GPATCH8: variants seen among roughly 807,000 people sequenced by gnomAD.
GPATCH8 encodes the protein G patch domain-containing protein 8.
GPATCH8 carries 18 observed loss-of-function variants against 118.3 expected under a neutral mutation model. The ratio of observed to expected loss-of-function variants is 0.15; its 90% CI spans 0.11 to 0.23. The LOEUF is 0.23. GPATCH8 is among the 10% of genes least tolerant of loss of function. The probability of loss-of-function intolerance (pLI) is 1.00; values close to 1 mark genes in which losing one functional copy is unlikely to be tolerated. For synonymous variants in GPATCH8, 659 were observed against 684.7 expected (o/e 0.96, Z 0.59); for missense variants, 1,631 against 1,873.8 (o/e 0.87, Z 2.39).
intron 5 of GPATCH8, among the ~76,000 whole-genome samples, chr17:44,429,649 A>AACACACACACACACACACACACACAC (rs144232073): frequency 1.5e-3 from 191 of 125,662 alleles, no homozygotes; most frequent in East Asian, 4.4e-3. Context: ...GTCTCTACTA[A>AACACACACACACACACACACACACAC]ACACACACAC....
intron 1 of GPATCH8, among the ~76,000 whole-genome samples, chr17:44,493,025 C>A (rs1323084845): frequency 1.3e-5 from 2 of 150,264 alleles, no homozygotes; most frequent in African/African-American, 4.9e-5. Flanking sequence ...GGTTTATAAC[C>A]AATTAAACCA....
At position 44,395,932 on chromosome 17, in the gene GPATCH8, G is replaced by C. The variant is rs1408903426; in HGVS notation, c.*1636C>G. On this transcript the variant is annotated 3_prime_UTR_variant, in exon 8 of 8. Transcript: ENST00000591680. Reference sequence around the variant, plus strand: ...AGAGCCTGGGTGAAAGGCAAGAAGAGGGGCAAAAGAGGCTGAGGTGGTAAT... The same window carrying C: ...AGAGCCTGGGTGAAAGGCAAGAAGACGGGCAAAAGAGGCTGAGGTGGTAAT... 1 of 454,156 alleles carries C rather than the reference G, an allele frequency of 2.2e-6. No homozygotes were observed. The highest frequency in any genetic ancestry group is 4.4e-6 in the Non-Finnish European group (1 of 226,716). 28.1% of individuals were successfully genotyped at this position (454,156 alleles called of 1,614,324 possible).
intron 5 of GPATCH8, among the ~76,000 whole-genome samples, chr17:44,427,561 T>C (rs1436832332): frequency 1.3e-5 from 2 of 151,822 alleles, no homozygotes; most frequent in Non-Finnish European, 2.9e-5. Flanking sequence ...TGTCAGAAAA[T>C]AGAAATGATA....
At chr17:44,453,333 C>A (rs906202425) in intron 3 of GPATCH8, among the ~76,000 whole-genome samples, 1 of 152,142 alleles carries the variant, frequency 6.6e-6, no homozygotes, top group Non-Finnish European at 1.5e-5. Context: ...TATTGGACTT[C>A]TCTAAGACTC....
chr17:44,460,048 T>C (rs2051486646), intron 3 of GPATCH8, among the ~76,000 whole-genome samples: 1 of 152,224 alleles, frequency 6.6e-6, no homozygotes, highest in African/African-American at 2.4e-5. Context: ...GCTACACCTA[T>C]TGACTAAATG....
intron 3 of GPATCH8, among the ~76,000 whole-genome samples, chr17:44,452,037 G>A (rs1186901993): frequency 2.0e-5 from 3 of 152,038 alleles, no homozygotes; most frequent in African/African-American, 7.2e-5. Flanking sequence ...TTGGGAGGCC[G>A]ATTCGGGCGG....
chr17:44,485,016 T>C (rs929614690), intron 1 of GPATCH8, among the ~76,000 whole-genome samples: 11 of 151,864 alleles, frequency 7.2e-5, no homozygotes, highest in South Asian at 2.1e-4. Context: ...GGTTCCATCA[T>C]GTAGCCCAGA....
intron 5 of GPATCH8, 60 bp downstream of exon 5, chr17:44,435,005 A>C: frequency 1.2e-6 from 1 of 806,218 alleles, no homozygotes; most frequent in Non-Finnish European, 2.3e-6. Flanking sequence ...ACAAAATTTG[A>C]GTTCTTTCTT....
intron 3 of GPATCH8, among the ~76,000 whole-genome samples, chr17:44,453,098 C>T (rs2051176880): frequency 6.6e-6 from 1 of 152,164 alleles, no homozygotes; most frequent in African/African-American, 2.4e-5. Context: ...TGCCAAAGTG[C>T]AAGGATTACA....
chr17:44,399,861 C>T lies in GPATCH8; in HGVS notation c.2216G>A (p.Gly739Asp). ...CCTTCTTCTTGGTGGTGCGGGACTGCCACTCCCAGGGGGTTCTGGTTTGGG... is the reference window on the plus strand; with the variant it reads ...CCTTCTTCTTGGTGGTGCGGGACTGTCACTCCCAGGGGGTTCTGGTTTGGG... ...RGPKPEPPGS[G>D]SPAPPRRRRR... is the part of the protein sequence containing the mutation. The change falls in exon 8 of 8, where the codon GGC becomes GAC. Residue 739 changes from glycine to aspartate, a missense_variant. Gly to Asp is a moderately conservative substitution (Grantham distance 94). Coordinates refer to ENST00000591680, the MANE Select transcript of GPATCH8 (RefSeq NM_001002909.4). 1 of 1,613,888 alleles carries T rather than the reference C, an allele frequency of 6.2e-7. No homozygotes were observed. The highest frequency in any genetic ancestry group is 8.5e-7 in the Non-Finnish European group (1 of 1,179,958).
At chr17:44,502,150 T>C (rs963979275) in intron 1 of GPATCH8, among the ~76,000 whole-genome samples, 3 of 152,312 alleles carry the variant, frequency 2.0e-5, no homozygotes, top group South Asian at 4.1e-4. Flanking sequence ...CTGTTAACAG[T>C]GCTGAGTTAA....
chr17:44,470,494 CT>C (rs35343849), intron 2 of GPATCH8, among the ~76,000 whole-genome samples: 179 of 76,322 alleles, frequency 2.3e-3, no homozygotes, highest in African/African-American at 3.5e-3. Context: ...GCACCCAGCG[CT>C]TTTTTTTTTT....
In GPATCH8 at chr17:44,503,310, C is replaced by A. The variant is rs754760417; in HGVS notation, c.45+16G>T. The A allele has an allele frequency of 3.1e-6, 5 of 1,605,678 alleles. No individual in the cohort carries two copies. The East Asian group carries it at 1.1e-4, about 36-fold the overall frequency. On this transcript the variant is annotated intron_variant, in intron 1 of 7. Transcript: ENST00000591680. ...ACCAGCGCCTTCCCCGCATCCTCGG[C>A]GACGCCCGTGTTTACCTGAAAGTCT...
chr17:44,463,886 A>G (rs926006807), intron 3 of GPATCH8, among the ~76,000 whole-genome samples: 5 of 152,056 alleles, frequency 3.3e-5, no homozygotes, highest in African/African-American at 1.2e-4. Flanking sequence ...TAAGCCATAC[A>G]TTTTCCAGAC....
At chr17:44,476,516 T>C (rs967337885) in intron 1 of GPATCH8, among the ~76,000 whole-genome samples, 1 of 152,202 alleles carries the variant, frequency 6.6e-6, no homozygotes, top group Non-Finnish European at 1.5e-5. Context: ...GTTTTACTTT[T>C]TTATATGCAA....
chr17:44,499,573 C>T (rs186731504), intron 1 of GPATCH8, among the ~76,000 whole-genome samples: 93 of 152,352 alleles, frequency 6.1e-4, no homozygotes, highest in African/African-American at 2.1e-3. Context: ...CAGCATTCAG[C>T]TGCATCACCA....
intron 3 of GPATCH8, among the ~76,000 whole-genome samples, chr17:44,454,928 A>T (rs2051268733): frequency 6.6e-6 from 1 of 152,192 alleles, no homozygotes; most frequent in Non-Finnish European, 1.5e-5. Context: ...CAACTGTATG[A>T]AGACTCCAAG....
intron 4 of GPATCH8, among the ~76,000 whole-genome samples, chr17:44,435,411 C>CTTTTTTT (rs566253126): frequency 1.2e-4 from 12 of 99,742 alleles, no homozygotes; most frequent in South Asian, 3.8e-4. Context: ...TCTTTCTTTC[C>CTTTTTTT]TTTTTTTTTT....
rs1195897929 is a variant in GPATCH8, at chr17:44,401,102, T to G, written c.975A>C (p.Glu325Asp). 5 of 1,614,046 alleles carry G rather than the reference T, an allele frequency of 3.1e-6. No individual in the cohort carries two copies. The South Asian group carries it at 5.5e-5, about 18-fold the overall frequency. Residue 325 changes from glutamate (E) to aspartate (D), a missense_variant, in exon 8 of 8, where the codon GAA becomes GAC. By Grantham distance (45) the Glu-to-Asp change is conservative. Coordinates refer to ENST00000591680, the MANE Select transcript of GPATCH8 (RefSeq NM_001002909.4). ...IASVFKDHAE[E>D]GTSEDGTKPD... ...GTTTTGTTCCATCTTCAGAGGTCCC[T>G]TCCTCCGCATGGTCCTTGAAAACTG...
Sources: gnomAD v4.1 joint callset for allele counts (sites outside exome capture counted in the v4.1 genomes callset) on GRCh38, gnomAD v4.1.1 for gene constraint, MANE v1.5 for transcripts, NCBI Gene and HGNC (gene_info 2026-07-23, HGNC 2026-07-21) for gene names.